The following CCDC172 variants were observed in gnomAD, a reference collection of about 807,000 sequenced individuals.
CCDC172 encodes coiled-coil domain-containing protein 172.
Under a neutral mutation model 38.0 loss-of-function variants are expected in CCDC172, and 30 were observed. That is an observed-to-expected ratio of 0.79 (90% CI 0.59 to 1.07). The LOEUF is 1.07. CCDC172 is among the 50% of genes least tolerant of loss of function. CCDC172 has a pLI of 0.00. For missense variants in CCDC172, 297 were observed against 290.1 expected (o/e 1.02, Z -0.17); for synonymous variants, 78 against 88.3 (o/e 0.88, Z 0.66).
intron 7 of CCDC172, among the ~76,000 whole-genome samples, chr10:116,359,701 T>G (rs748625865): frequency 1.3e-5 from 2 of 152,216 alleles, no homozygotes; most frequent in Non-Finnish European, 2.9e-5. Context: ...GACTTCTACA[T>G]TCATTAACTT....
intron 8 of CCDC172, among the ~76,000 whole-genome samples, chr10:116,378,798 T>C (rs1845279090): frequency 6.6e-6 from 1 of 152,166 alleles, no homozygotes; most frequent in Non-Finnish European, 1.5e-5. Context: ...TTTCCTTGAC[T>C]GAAACTGTTA....
chr10:116,336,296 A>G (rs1844732227), intron 3 of CCDC172, among the ~76,000 whole-genome samples: 1 of 148,832 alleles, frequency 6.7e-6, no homozygotes, highest in Non-Finnish European at 1.5e-5. Context: ...TATATATTAC[A>G]TATGATACAT....
chr10:116,331,508 T>C (rs1844662478), intron 3 of CCDC172, among the ~76,000 whole-genome samples: 1 of 152,208 alleles, frequency 6.6e-6, no homozygotes. Flanking sequence ...ATTTTGTTCA[T>C]TGCTGTTATT....
At chr10:116,334,204 C>CT (rs1428878562) in intron 3 of CCDC172, among the ~76,000 whole-genome samples, 1 of 152,186 alleles carries the variant, frequency 6.6e-6, no homozygotes, top group Non-Finnish European at 1.5e-5. Context: ...TCCTCCCCGT[C>CT]TTTACTAAGA....
At chr10:116,360,113 C>T (rs1477632335) in intron 7 of CCDC172, among the ~76,000 whole-genome samples, 1 of 152,192 alleles carries the variant, frequency 6.6e-6, no homozygotes. Context: ...AACTAACACA[C>T]ATTTAAGCAG....
At chr10:116,335,800 T>C (rs1399303861) in intron 3 of CCDC172, among the ~76,000 whole-genome samples, 2 of 152,188 alleles carry the variant, frequency 1.3e-5, no homozygotes, top group Non-Finnish European at 2.9e-5. Context: ...GGTATTTATT[T>C]TGTTACTAGC....
chr10:116,335,742 T>C (rs1464693721), intron 3 of CCDC172, among the ~76,000 whole-genome samples: 3 of 152,196 alleles, frequency 2.0e-5, no homozygotes, highest in Admixed American at 2.0e-4. Context: ...ACGAATGGGA[T>C]ATTTTCCATG....
At chr10:116,355,550 A>G (rs1232578247) in intron 5 of CCDC172, among the ~76,000 whole-genome samples, 2 of 152,200 alleles carry the variant, frequency 1.3e-5, no homozygotes, top group Admixed American at 6.5e-5. Flanking sequence ...TAGTAGCAAA[A>G]AAGTGGAAAC....
At chr10:116,334,204 C>G (rs1262102254) in intron 3 of CCDC172, among the ~76,000 whole-genome samples, 3 of 152,186 alleles carry the variant, frequency 2.0e-5, no homozygotes. Flanking sequence ...TCCTCCCCGT[C>G]TTTACTAAGA....
chr10:116,369,274 GAAGAGT>G (rs1845159635), intron 7 of CCDC172, among the ~76,000 whole-genome samples: 1 of 151,858 alleles, frequency 6.6e-6, no homozygotes, highest in Admixed American at 6.6e-5. Flanking sequence ...CAATGTAATT[GAAGAGT>G]AAAAGTATAT....
chr10:116,373,606 G>T (rs1450743943), intron 7 of CCDC172, among the ~76,000 whole-genome samples: 1 of 152,204 alleles, frequency 6.6e-6, no homozygotes, highest in East Asian at 1.9e-4. Flanking sequence ...TGGGGTTCAA[G>T]CTGTTCTCAT....
At chr10:116,327,952 T>A (rs1313360607) in intron 3 of CCDC172, among the ~76,000 whole-genome samples, 1 of 152,124 alleles carries the variant, frequency 6.6e-6, no homozygotes, top group Non-Finnish European at 1.5e-5. Flanking sequence ...GACTTGGCAT[T>A]TATTGACCCA....
At chr10:116,354,065 T>C (rs1844964174) in intron 5 of CCDC172, among the ~76,000 whole-genome samples, 1 of 152,168 alleles carries the variant, frequency 6.6e-6, no homozygotes, top group Non-Finnish European at 1.5e-5. Flanking sequence ...AGCATTTCAG[T>C]CTATGAAAGA....
intron 3 of CCDC172, among the ~76,000 whole-genome samples, chr10:116,328,437 G>A (rs897347590): frequency 1.3e-5 from 2 of 152,024 alleles, no homozygotes; most frequent in African/African-American, 2.4e-5. Flanking sequence ...CAGAACATTG[G>A]TAGTTTCTTT....
chr10:116,364,350 C>T (rs6585391), intron 7 of CCDC172, among the ~76,000 whole-genome samples: 15,171 of 152,058 alleles, frequency 0.1, 1,347 homozygotes, highest in East Asian at 0.33. Context: ...TGGCAGTATA[C>T]ATGCTTAGAT....
intron 7 of CCDC172, among the ~76,000 whole-genome samples, chr10:116,359,824 T>C (rs1175810625): frequency 6.6e-6 from 1 of 152,246 alleles, no homozygotes; most frequent in Non-Finnish European, 1.5e-5. Flanking sequence ...TTATTTTGTC[T>C]ATATTGAAAT....
chr10:116,357,836 T>A lies in CCDC172; in HGVS notation c.551T>A (p.Val184Asp). The change falls in exon 7 of 9, where the codon GTT (valine) becomes GAT (aspartate). Residue 184 changes from valine to aspartate, a missense_variant and splice_region_variant. Physicochemically the swap from Val to Asp is radical, Grantham distance 152 (BLOSUM62 -3). Coordinates refer to ENST00000333254, the MANE Select transcript of CCDC172 (RefSeq NM_198515.3). ...TGCAACTATTTTTTGATTTGTTTAG[T>A]TTTTGAAGATGAAGAGAATGAATCC... ...ELFTLQRKLK[V>D]FEDEENESIC... is the part of the protein sequence containing the mutation. 7.1e-7 allele frequency: 1 copy of A among 1,415,030 alleles called. No individual in the cohort carries two copies. The highest frequency in any genetic ancestry group is 9.7e-7 in the Non-Finnish European group (1 of 1,028,230). 87.7% of individuals were successfully genotyped at this position (1,415,030 alleles called of 1,614,324 possible).
intron 3 of CCDC172, among the ~76,000 whole-genome samples, chr10:116,326,323 A>T (rs1210226839): frequency 6.6e-6 from 1 of 152,196 alleles, no homozygotes; most frequent in Non-Finnish European, 1.5e-5. Flanking sequence ...AATATTATTT[A>T]AGTGTGCCAC....
At position 116,369,589 on chromosome 10, in the gene CCDC172, A is replaced by ATGTACTACAGTT. The variant is rs1408480017; in HGVS notation, c.654-8832_654-8821dup. ...GCTATATAATACTTCATTGTAATAG[A>ATGTACTACAGTT]TGTACTACAGTTTATGCAACCAGTC... On this transcript the variant is annotated intron_variant, in intron 7 of 8. Transcript: ENST00000333254. Among the ~76,000 whole-genome samples, 5 of 152,020 alleles carry ATGTACTACAGTT rather than the reference A, an allele frequency of 3.3e-5. No homozygotes were observed. The East Asian group carries it at 7.7e-4, about 23-fold the overall frequency.
Sources: allele counts gnomAD v4.1 joint callset (sites outside exome capture counted in the v4.1 genomes callset), GRCh38; gene constraint gnomAD v4.1.1; transcripts MANE v1.5; gene names NCBI Gene and HGNC (gene_info 2026-07-23, HGNC 2026-07-21).